Variants in RYR2 observed in about 807,000 individuals in gnomAD.
RYR2 encodes the protein cardiac muscle ryanodine receptor-calcium release channel.
Under a neutral mutation model 601.1 loss-of-function variants are expected in RYR2, and 227 were observed. The observed-to-expected ratio is 0.38, with a 90% CI of 0.34 to 0.42. The LOEUF is 0.42. RYR2 is among the 10% of genes least tolerant of loss of function. The pLI, the probability that RYR2 is intolerant of heterozygous loss-of-function variation, is 1.00. For synonymous variants in RYR2, 2,223 were observed against 2,175.1 expected (o/e 1.02, Z -0.61); for missense variants, 4,646 against 6,156.5 (o/e 0.75, Z 8.21).
chr1:237,321,928 C>T (rs1379922161), intron 2 of RYR2, among the ~76,000 whole-genome samples: 1 of 152,144 alleles, frequency 6.6e-6, no homozygotes, highest in Non-Finnish European at 1.5e-5. Context: ...GATTTTTAAG[C>T]AGTAAGTACC....
intron 3 of RYR2, among the ~76,000 whole-genome samples, chr1:237,341,105 G>T (rs770688105): frequency 6.6e-6 from 1 of 152,178 alleles, no homozygotes; most frequent in South Asian, 2.1e-4. Flanking sequence ...CAGTGGCGTA[G>T]TTAGGCACTG....
intron 28 of RYR2, among the ~76,000 whole-genome samples, chr1:237,567,733 CT>C (rs1301982751): frequency 1.3e-5 from 2 of 149,552 alleles, no homozygotes; most frequent in Non-Finnish European, 3.0e-5. Context: ...ATTTATTTTC[CT>C]TTTCACATGA....
intron 1 of RYR2, among the ~76,000 whole-genome samples, chr1:237,162,778 A>C (rs1172044530): frequency 6.6e-6 from 1 of 152,146 alleles, no homozygotes; most frequent in Non-Finnish European, 1.5e-5. Flanking sequence ...GTAGAGAAAC[A>C]ATTTCCATAG....
intron 11 of RYR2, among the ~76,000 whole-genome samples, chr1:237,417,854 G>A (rs1705167082): frequency 1.3e-5 from 2 of 151,848 alleles, no homozygotes; most frequent in South Asian, 4.1e-4. Context: ...CGAAGCTTTA[G>A]TCCTTTGCCT....
At chr1:237,232,385 G>A (rs1685094835) in intron 1 of RYR2, among the ~76,000 whole-genome samples, 2 of 152,180 alleles carry the variant, frequency 1.3e-5, no homozygotes, top group African/African-American at 4.8e-5. Flanking sequence ...ACAAGGTTCA[G>A]ACAGTTTCTG....
intron 12 of RYR2, among the ~76,000 whole-genome samples, chr1:237,434,735 CTG>C (rs1306452197): frequency 6.6e-6 from 1 of 152,186 alleles, no homozygotes; most frequent in African/African-American, 2.4e-5. Context: ...TCAAATAAGA[CTG>C]TCAATGAGAT....
chr1:237,273,238 C>T (rs1689888673), intron 2 of RYR2, among the ~76,000 whole-genome samples: 1 of 151,998 alleles, frequency 6.6e-6, no homozygotes, highest in Non-Finnish European at 1.5e-5. Context: ...AACCTAGATC[C>T]CTTGCATGTG....
Position 237,454,578 on chromosome 1 carries a change from C to G in RYR2, c.1476+4C>G. The G allele has an allele frequency of 6.2e-7, 1 of 1,611,922 alleles. No individual in the cohort carries two copies. The highest frequency in any genetic ancestry group is 8.5e-7 in the Non-Finnish European group (1 of 1,178,762). On this transcript the variant is annotated splice_donor_region_variant and intron_variant, in intron 15 of 104. Transcript: ENST00000366574. ...GCAAAATCTCTTCCAGGAAGAGGTCCGTTTCTATCAACACTCATTTCTCTT... is the reference window on the plus strand; with the variant it reads ...GCAAAATCTCTTCCAGGAAGAGGTCGGTTTCTATCAACACTCATTTCTCTT...
chr1:237,213,261 T>C (rs535181233), intron 1 of RYR2, among the ~76,000 whole-genome samples: 161 of 152,180 alleles, frequency 1.1e-3, no homozygotes, highest in Non-Finnish European at 1.5e-3. Flanking sequence ...CACTGTAGCA[T>C]CAACCTCCTG....
In RYR2 at chr1:237,614,357, C is replaced by T. The variant is rs1678229985; in HGVS notation, c.5229C>T (p.Asn1743=). The T allele has an allele frequency of 2.5e-6, 4 of 1,614,028 alleles. No individual in the cohort carries two copies. The highest frequency in any genetic ancestry group is 3.4e-6 in the Non-Finnish European group (4 of 1,179,888). ...TKSITLFPDE[N]KKHGLPGIGL... The stretch of plus-strand genomic sequence containing the variant: ...GCATCACCCTGTTCCCTGATGAGAA[C>T]AAAAAACACGGCCTTCCAGGGATCG... Residue 1743 remains asparagine (N), a synonymous_variant, in exon 37 of 105, where the codon AAC becomes AAT. Coordinates refer to ENST00000366574, the MANE Select transcript of RYR2 (RefSeq NM_001035.3). The surrounding 1 kb of genome is among the most constrained non-coding windows in gnomAD (Gnocchi z 4.3).
At chr1:237,776,098 A>G (rs1046126590) in intron 87 of RYR2, among the ~76,000 whole-genome samples, 1 of 152,192 alleles carries the variant, frequency 6.6e-6, no homozygotes. Flanking sequence ...TGACTTGAAG[A>G]AAAAACAAGT....
intron 14 of RYR2, among the ~76,000 whole-genome samples, chr1:237,448,179 G>A (rs373879096): frequency 2.8e-4 from 43 of 152,044 alleles, no homozygotes; most frequent in African/African-American, 9.9e-4. Flanking sequence ...CACCCACCTC[G>A]GCCTCACAGA....
At chr1:237,783,334 A>ATGTT (rs145101659) in intron 89 of RYR2, among the ~76,000 whole-genome samples, 10,573 of 152,178 alleles carry the variant, frequency 0.069, 563 homozygotes, top group African/African-American at 0.15. Flanking sequence ...GGCTGAGCAA[A>ATGTT]TGTTTATTTT....
chr1:237,506,070 A>G (rs1393585768), intron 22 of RYR2, among the ~76,000 whole-genome samples: 1 of 151,736 alleles, frequency 6.6e-6, no homozygotes, highest in African/African-American at 2.4e-5. Flanking sequence ...TTGGTGTAAG[A>G]GCTTGGGGAT....
At chr1:237,759,361 C>A (rs186413799) in intron 82 of RYR2, among the ~76,000 whole-genome samples, 2 of 152,112 alleles carry the variant, frequency 1.3e-5, no homozygotes, top group African/African-American at 4.8e-5. Context: ...GCTGGGATTA[C>A]GGGTGTGAAC....
intron 25 of RYR2, among the ~76,000 whole-genome samples, chr1:237,545,748 A>T (rs1175043203): frequency 6.9e-6 from 1 of 145,590 alleles, no homozygotes; most frequent in Admixed American, 6.9e-5. Context: ...CTTTTTCTTG[A>T]AAAATAAAAA....
At chr1:237,334,725 A>T (rs1697084941) in intron 3 of RYR2, among the ~76,000 whole-genome samples, 1 of 151,634 alleles carries the variant, frequency 6.6e-6, no homozygotes, top group Admixed American at 6.6e-5. Flanking sequence ...TGTTCTTTCT[A>T]TTTCCCCCAC....
intron 1 of RYR2, among the ~76,000 whole-genome samples, chr1:237,182,796 G>A (rs919622169): frequency 2.0e-5 from 3 of 152,112 alleles, no homozygotes; most frequent in Admixed American, 6.6e-5. Flanking sequence ...CCCAGAGAAG[G>A]CCAGGAAGAT....
chr1:237,800,284 T>C (rs1659807691), intron 97 of RYR2, among the ~76,000 whole-genome samples: 1 of 152,168 alleles, frequency 6.6e-6, no homozygotes, highest in Non-Finnish European at 1.5e-5. Flanking sequence ...CTACATTTTT[T>C]CCCCCAACTC....
Sources: allele counts gnomAD v4.1 joint callset (sites outside exome capture counted in the v4.1 genomes callset), GRCh38; gene constraint gnomAD v4.1.1; non-coding constraint Gnocchi (gnomAD v3.1); transcripts MANE v1.5; gene names NCBI Gene and HGNC (gene_info 2026-07-23, HGNC 2026-07-21).